TMC1: variants seen among roughly 807,000 people sequenced by gnomAD.
TMC1 encodes the protein transmembrane channel-like protein 1.
Under a neutral mutation model 105.8 loss-of-function variants are expected in TMC1, and 84 were observed. That is an observed-to-expected ratio of 0.79 (90% CI 0.67 to 0.95). The LOEUF is 0.95. Among genes scored for constraint, TMC1 ranks in the 40% least tolerant of loss-of-function variants. The pLI is 0.00. For missense variants in TMC1, 817 were observed against 914.1 expected (o/e 0.89, Z 1.37); for synonymous variants, 315 against 311.5 (o/e 1.01, Z -0.12).
intron 8 of TMC1, among the ~76,000 whole-genome samples, chr9:72,738,250 A>G (rs11143383): frequency 6.6e-6 from 1 of 152,274 alleles, no homozygotes; most frequent in East Asian, 1.9e-4. Context: ...TTTTTATGCC[A>G]GAATATGGGT....
At chr9:72,653,650 AAATGACAATTTGAC>A (rs1477262590) in intron 5 of TMC1, among the ~76,000 whole-genome samples, 1 of 152,170 alleles carries the variant, frequency 6.6e-6, no homozygotes, top group East Asian at 1.9e-4. Flanking sequence ...TATACATTTA[AAATGACAATTTGAC>A]AAGTTTTGAC....
At chr9:72,734,474 G>C (rs1395687604) in intron 8 of TMC1, among the ~76,000 whole-genome samples, 3 of 151,916 alleles carry the variant, frequency 2.0e-5, no homozygotes, top group Admixed American at 1.3e-4. Flanking sequence ...AATGTGTTTT[G>C]AATAATCACT....
At chr9:72,591,452 A>G (rs779594648) in intron 2 of TMC1, among the ~76,000 whole-genome samples, 5 of 152,190 alleles carry the variant, frequency 3.3e-5, no homozygotes, top group African/African-American at 4.8e-5. Context: ...GGAGAAGAAT[A>G]ATTACAAGGC....
intron 3 of TMC1, among the ~76,000 whole-genome samples, chr9:72,621,675 C>A (rs1022417285): frequency 6.6e-6 from 1 of 152,142 alleles, no homozygotes; most frequent in African/African-American, 2.4e-5. Flanking sequence ...GGGCAGTCAG[C>A]TAAGATCACT....
intron 8 of TMC1, among the ~76,000 whole-genome samples, chr9:72,728,873 T>C (rs2487464): frequency 0.58 from 88,015 of 151,692 alleles, 27,351 homozygotes; most frequent in African/African-American, 0.82. Context: ...GGATCTAGTG[T>C]GCTTTTATTT....
At chr9:72,596,065 C>T (rs575691848) in intron 2 of TMC1, among the ~76,000 whole-genome samples, 1 of 151,972 alleles carries the variant, frequency 6.6e-6, no homozygotes, top group Admixed American at 6.6e-5. Context: ...TTAGTAAAGA[C>T]AGGGTTTCAC....
At chr9:72,565,641 C>T (rs7857743) in intron 1 of TMC1, among the ~76,000 whole-genome samples, 2,022 of 152,044 alleles carry the variant, frequency 0.013, 52 homozygotes, top group African/African-American at 0.044. Flanking sequence ...AAGAAATGCC[C>T]GAGACGGTAA....
chr9:72,831,142 T>A (rs1011700660), intron 23 of TMC1, among the ~76,000 whole-genome samples: 27 of 152,194 alleles, frequency 1.8e-4, no homozygotes, highest in Admixed American at 1.0e-3. Context: ...TTTCTTTTTT[T>A]AAAAACCTCT....
intron 2 of TMC1, among the ~76,000 whole-genome samples, chr9:72,599,670 C>T (rs912253245): frequency 9.9e-5 from 15 of 151,868 alleles, no homozygotes; most frequent in South Asian, 2.1e-4. Flanking sequence ...ATTAGCCAGC[C>T]GTAGAGGCGG....
At chr9:72,625,645 G>A (rs181628029) in intron 3 of TMC1, among the ~76,000 whole-genome samples, 6 of 147,838 alleles carry the variant, frequency 4.1e-5, no homozygotes, top group African/African-American at 1.3e-4. Flanking sequence ...CTGAGATCGC[G>A]CCACTGTGCT....
At chr9:72,527,393 T>A (rs973585983) in intron 1 of TMC1, among the ~76,000 whole-genome samples, 1 of 152,128 alleles carries the variant, frequency 6.6e-6, no homozygotes, top group Non-Finnish European at 1.5e-5. Context: ...ACTCCGACAT[T>A]ACGATGTAGC....
In TMC1 at chr9:72,622,361, CT is replaced by C. The variant is rs376372240; in HGVS notation, c.-195-5557del. Among the ~76,000 whole-genome samples, 1,360 of 152,216 alleles carry C rather than the reference CT, an allele frequency of 8.9e-3. 7 individuals are homozygous for C. Among genetic ancestry groups the C allele is most frequent in the Non-Finnish European group, 0.016 (1,055 of 68,018 alleles). ...TGCCAGCCTTTGCACTCAGTCGTTT[CT>C]TTGTTCCTGCAGGCTGCCTGTGGTA... On this transcript the variant is annotated intron_variant, in intron 3 of 23. Transcript: ENST00000297784.
intron 8 of TMC1, among the ~76,000 whole-genome samples, chr9:72,731,497 T>C (rs544624139): frequency 6.6e-6 from 1 of 152,300 alleles, no homozygotes; most frequent in South Asian, 2.1e-4. Flanking sequence ...TGAAACAGCA[T>C]ATGTAAAAGC....
rs576800171 is a variant in TMC1 at position 72,728,593 on chromosome 9, C to T, written c.363-11526C>T. On this transcript the variant is annotated intron_variant, in intron 8 of 23. Coordinates refer to ENST00000297784, the MANE Select transcript of TMC1 (RefSeq NM_138691.3). Reference sequence around the variant, plus strand: ...CCTGACATGGCATATTTTGGGGTGCCATATTCTGCTACCCTCCAAATTGTC... The same window carrying T: ...CCTGACATGGCATATTTTGGGGTGCTATATTCTGCTACCCTCCAAATTGTC... Among the ~76,000 whole-genome samples, 48 of 151,972 alleles carry T rather than the reference C, an allele frequency of 3.2e-4. 1 individual carries two copies. The highest frequency in any genetic ancestry group is 5.9e-5 in the Non-Finnish European group (4 of 67,968).
At chr9:72,575,562 C>T (rs375271602) in intron 1 of TMC1, among the ~76,000 whole-genome samples, 2 of 152,138 alleles carry the variant, frequency 1.3e-5, no homozygotes, top group Non-Finnish European at 2.9e-5. Context: ...TGACAACATT[C>T]GGAGCTTCCC....
At chr9:72,563,384 T>C (rs1444045614) in intron 1 of TMC1, among the ~76,000 whole-genome samples, 1 of 152,138 alleles carries the variant, frequency 6.6e-6, no homozygotes, top group East Asian at 1.9e-4. Flanking sequence ...AAGAGCAGAC[T>C]CCAAGGGGCC....
chr9:72,700,937 C>G (rs951755167), intron 8 of TMC1, among the ~76,000 whole-genome samples: 2 of 151,746 alleles, frequency 1.3e-5, no homozygotes, highest in Non-Finnish European at 2.9e-5. Flanking sequence ...ACTAGAGAGA[C>G]TGGGCTAATG....
chr9:72,688,725 G>A lies in TMC1; in HGVS notation c.33G>A (p.Glu11=). 1 of 1,611,998 alleles carries A rather than the reference G, an allele frequency of 6.2e-7. No homozygotes were observed. The highest frequency in any genetic ancestry group is 8.5e-7 in the Non-Finnish European group (1 of 1,178,714). The change falls in exon 6 of 24, where the codon GAG becomes GAA. Residue 11 remains glutamate (E), a synonymous_variant. Coordinates refer to ENST00000297784, the MANE Select transcript of TMC1 (RefSeq NM_138691.3). The stretch of plus-strand genomic sequence containing the variant: ...CCTCAACAGTACAAATCAAAGTGGA[G>A]GAAAAAGAAGACGAGACTGAGGAAA... MSPKKVQIKV[E]EKEDETEESS...
At chr9:72,578,429 T>C (rs1476691245) in intron 2 of TMC1, 1 of 152,230 alleles carries the variant, frequency 6.6e-6, no homozygotes, top group Non-Finnish European at 1.5e-5. Flanking sequence ...AGTGATGCTC[T>C]TATCCCTCCT....
Sources: allele counts gnomAD v4.1 joint callset (sites outside exome capture counted in the v4.1 genomes callset), GRCh38; gene constraint gnomAD v4.1.1; transcripts MANE v1.5; gene names NCBI Gene and HGNC (gene_info 2026-07-23, HGNC 2026-07-21).